Variants in TEX14 observed in about 807,000 individuals in gnomAD.
TEX14 encodes testis expressed 14, intercellular bridge forming factor.
A neutral mutation model predicts 178.6 loss-of-function variants in TEX14; 168 were observed. The ratio of observed to expected loss-of-function variants is 0.94; its 90% confidence interval spans 0.83 to 1.07. The LOEUF (loss-of-function observed/expected upper bound fraction) is 1.07. Ranked by LOEUF, TEX14 falls within the 50% of genes least tolerant of loss-of-function variation. TEX14 has a pLI of 0.00. For missense variants in TEX14, 1,730 were observed against 1,753.6 expected (o/e 0.99, Z 0.24); for synonymous variants, 626 against 634.1 (o/e 0.99, Z 0.19).
chr17:58,655,325 A>G (rs2046931553), intron 1 of TEX14, among the ~76,000 whole-genome samples: 1 of 151,984 alleles, frequency 6.6e-6, no homozygotes, highest in South Asian at 2.1e-4. Context: ...CTAGGCCTAC[A>G]GGCACGCACC....
At chr17:58,568,950 A>C (rs941369338) in intron 26 of TEX14, among the ~76,000 whole-genome samples, 2 of 152,198 alleles carry the variant, frequency 1.3e-5, no homozygotes, top group Admixed American at 1.3e-4. Flanking sequence ...ATTCATCAAC[A>C]TAAGTCCTTT....
chr17:58,600,315 G>A (rs2045398731), intron 13 of TEX14, among the ~76,000 whole-genome samples: 1 of 152,114 alleles, frequency 6.6e-6, no homozygotes, highest in Non-Finnish European at 1.5e-5. Context: ...CTTGAGGTCA[G>A]GAGTTCGAGT....
At chr17:58,667,643 G>A (rs2047235599) in intron 1 of TEX14, among the ~76,000 whole-genome samples, 1 of 152,192 alleles carries the variant, frequency 6.6e-6, no homozygotes, top group South Asian at 2.1e-4. Context: ...CCAACACTTT[G>A]GGAGGCTGAG....
At chr17:58,667,577 C>G (rs1379918412) in intron 1 of TEX14, among the ~76,000 whole-genome samples, 1 of 152,130 alleles carries the variant, frequency 6.6e-6, no homozygotes, top group African/African-American at 2.4e-5. Context: ...GATAAAGAAC[C>G]TGAGGCATGA....
At chr17:58,564,711 GCTTTTTAAAAAAGTAACC>G (rs945070863) in intron 28 of TEX14, among the ~76,000 whole-genome samples, 140 bp downstream of exon 28, 43 of 152,044 alleles carry the variant, frequency 2.8e-4, no homozygotes, top group Non-Finnish European at 4.0e-4. Flanking sequence ...AAAAAGCAAC[GCTTTTTAAAAAAGTAACC>G]CTTTAGGAAT....
At chr17:58,656,196 C>T (rs149925361) in intron 1 of TEX14, among the ~76,000 whole-genome samples, 3,170 of 152,292 alleles carry the variant, frequency 0.021, 40 homozygotes, top group South Asian at 0.036. Context: ...GTAATCCCAA[C>T]GCTTTGGGAG....
rs181066916 is a variant in TEX14, at chr17:58,646,264, G to A, written c.136+5602C>T. Among the ~76,000 whole-genome samples, 28 of 152,244 alleles carry A rather than the reference G, an allele frequency of 1.8e-4. No homozygotes were observed. The South Asian group carries it at 3.1e-3, about 17-fold the overall frequency. On this transcript the variant is annotated intron_variant, in intron 2 of 31. Transcript: ENST00000349033. Reference sequence around the variant, plus strand: ...AAAGAAGGCAGGAAAGAGAAGAAACGAAAAACAGAGGGTAAAACACAAAAC... The same window carrying A: ...AAAGAAGGCAGGAAAGAGAAGAAACAAAAAACAGAGGGTAAAACACAAAAC...
intron 14 of TEX14, among the ~76,000 whole-genome samples, chr17:58,594,501 C>A (rs1378232976): frequency 6.6e-6 from 1 of 151,862 alleles, no homozygotes; most frequent in Non-Finnish European, 1.5e-5. Context: ...CAGGTGCGCG[C>A]CACTACCACT....
intron 1 of TEX14, among the ~76,000 whole-genome samples, chr17:58,656,919 A>G: frequency 1.0e-5 from 1 of 100,198 alleles, no homozygotes; most frequent in Non-Finnish European, 2.0e-5. Context: ...CAAAACTCCC[A>G]TCTCACAAAA....
At chr17:58,606,421 C>G (rs1471646599) in intron 10 of TEX14, among the ~76,000 whole-genome samples, 1 of 152,072 alleles carries the variant, frequency 6.6e-6, no homozygotes, top group African/African-American at 2.4e-5. Flanking sequence ...TTTTGTTGGT[C>G]TGGAAAAAGG....
At chr17:58,617,341 G>A (rs781185014) in intron 6 of TEX14, among the ~76,000 whole-genome samples, 197 bp downstream of exon 6, 8 of 152,170 alleles carry the variant, frequency 5.3e-5, no homozygotes, top group African/African-American at 9.7e-5. Context: ...TCATCCAAGG[G>A]AATTCTCTGG....
At chr17:58,648,332 C>A (rs1315986311) in intron 2 of TEX14, among the ~76,000 whole-genome samples, 2 of 152,202 alleles carry the variant, frequency 1.3e-5, no homozygotes, top group African/African-American at 4.8e-5. Flanking sequence ...CCCTCTAAAG[C>A]CCTACCTGCA....
Position 58,564,803 on chromosome 17 carries a change from G to GA in TEX14, c.4064+65dup, listed in dbSNP as rs1244512432. On this transcript the variant is annotated intron_variant, in intron 28 of 31. Coordinates refer to ENST00000349033, the MANE Select transcript of TEX14 (RefSeq NM_031272.5). ...TTTTCTTTCTTATTTGTCAATATTA[G>GA]AAAAAAACCTAACATAAACTATACA... 1.2e-5 allele frequency: 12 copies of GA among 998,548 alleles called. No individual in the cohort carries two copies. In the East Asian group the frequency reaches 2.4e-4, roughly 20 times the overall value. 61.9% of individuals were successfully genotyped at this position (998,548 alleles called of 1,614,324 possible).
Position 58,586,035 on chromosome 17 carries a change from C to T in TEX14, c.2836G>A (p.Val946Ile), listed in dbSNP as rs1391615864. 1.9e-6 allele frequency: 3 copies of T among 1,613,996 alleles called. No individual in the cohort carries two copies. The African/African-American group carries it at 4.0e-5, about 22-fold the overall frequency. ...CTACTCTGAGGATGCCAAGGAGGTA[C>T]TGTGAGCTGTCCAGTAGCTGCTTTC... ...AKKAATGQLT[V>I]PPWHPQSSLT... The change falls in exon 18 of 32, where the codon GTA becomes ATA. Residue 946 changes from valine to isoleucine, a missense_variant. Val to Ile is a conservative substitution (Grantham distance 29). Coordinates refer to ENST00000349033, the MANE Select transcript of TEX14 (RefSeq NM_031272.5).
chr17:58,686,452 G>A (rs888679444), intron 1 of TEX14, among the ~76,000 whole-genome samples: 2 of 152,172 alleles, frequency 1.3e-5, no homozygotes, highest in African/African-American at 4.8e-5. Flanking sequence ...CTGAGTTGGA[G>A]GAGACTTTGA....
intron 10 of TEX14, among the ~76,000 whole-genome samples, chr17:58,606,864 C>T (rs1421643407): frequency 6.6e-6 from 1 of 151,580 alleles, no homozygotes; most frequent in African/African-American, 2.4e-5. Flanking sequence ...CCCATCTCTA[C>T]TAAAAACACA....
chr17:58,665,101 T>C (rs2047182518), intron 1 of TEX14, among the ~76,000 whole-genome samples: 1 of 152,164 alleles, frequency 6.6e-6, no homozygotes. Context: ...TGGAATATGA[T>C]GTGGGCAACA....
intron 29 of TEX14, among the ~76,000 whole-genome samples, chr17:58,561,315 A>G (rs2044267861): frequency 6.6e-6 from 1 of 152,214 alleles, no homozygotes; most frequent in Non-Finnish European, 1.5e-5. Flanking sequence ...TCTGTCTATA[A>G]TGATATGAAT....
intron 2 of TEX14, among the ~76,000 whole-genome samples, chr17:58,633,014 A>G (rs1225396846): frequency 2.6e-5 from 4 of 152,152 alleles, no homozygotes; most frequent in Non-Finnish European, 5.9e-5. Context: ...TCTCGCACTT[A>G]AAAGGCCCTG....
Sources: gnomAD v4.1 joint callset for allele counts (sites outside exome capture counted in the v4.1 genomes callset) on GRCh38, gnomAD v4.1.1 for gene constraint, MANE v1.5 for transcripts, NCBI Gene and HGNC (gene_info 2026-07-23, HGNC 2026-07-21) for gene names.